Variants in LANCL1 observed in about 807,000 individuals in gnomAD.
LANCL1 encodes the protein LanC like glutathione S-transferase 1.
Under a neutral mutation model 50.6 loss-of-function variants are expected in LANCL1, and 50 were observed. That is an observed-to-expected ratio of 0.99 (90% CI 0.79 to 1.25). LANCL1 has a LOEUF of 1.25. Among genes scored for constraint, LANCL1 ranks in the 50% most tolerant of loss-of-function variants. The pLI is 0.00. For synonymous variants in LANCL1, 188 were observed against 178.6 expected (o/e 1.05, Z -0.42); for missense variants, 532 against 480.7 (o/e 1.11, Z -1.00).
chr2:210,476,689 G>T lies in LANCL1; in HGVS notation c.-86C>A. On this transcript the variant is annotated 5_prime_UTR_variant, in exon 1 of 10. Transcript: ENST00000450366. ...GACTTGAAGCAAGTGCGCCTCCCGC[G>T]TCCTGAAGCCCTTCTCGGCCCTGGC... 1 of 1,200,614 alleles carries T rather than the reference G, an allele frequency of 8.3e-7. No homozygotes were observed. The highest frequency in any genetic ancestry group is 1.0e-6 in the Non-Finnish European group (1 of 963,236). 74.4% of individuals were successfully genotyped at this position (1,200,614 alleles called of 1,614,324 possible).
rs529724266 is a variant in LANCL1, at chr2:210,441,301, G to A, written c.543+7C>T. 3.1e-6 allele frequency: 5 copies of A among 1,607,770 alleles called. No homozygotes were observed. The highest frequency in any genetic ancestry group is 1.7e-5 in the Admixed American group (1 of 58,624). On this transcript the variant is annotated splice_region_variant and intron_variant, in intron 5 of 9. Coordinates refer to ENST00000450366, the MANE Select transcript of LANCL1 (RefSeq NM_006055.3). ...AAAAGGCTCCTAAAAACACAAAAAC[G>A]TGGTACCTGCTGAATATGGCTTTGA...
intron 2 of LANCL1, among the ~76,000 whole-genome samples, chr2:210,473,414 C>G (rs923945815): frequency 1.3e-5 from 2 of 152,150 alleles, no homozygotes; most frequent in Admixed American, 1.3e-4. Flanking sequence ...CCAAAAAACT[C>G]ACTTTATTGT....
At chr2:210,435,023 C>G (rs1454611547) in intron 9 of LANCL1, among the ~76,000 whole-genome samples, 2 of 152,076 alleles carry the variant, frequency 1.3e-5, no homozygotes, top group Non-Finnish European at 2.9e-5. Context: ...AAGAATGGAG[C>G]CAGACAAGTT....
At chr2:210,441,067 T>C (rs77854394) in intron 5 of LANCL1, among the ~76,000 whole-genome samples, 1 of 152,144 alleles carries the variant, frequency 6.6e-6, no homozygotes, top group Admixed American at 6.5e-5. Flanking sequence ...TAATCCTCTT[T>C]GGAGAGGGCC....
intron 3 of LANCL1, among the ~76,000 whole-genome samples, chr2:210,459,418 T>C (rs1353302646): frequency 4.6e-5 from 7 of 152,158 alleles, no homozygotes; most frequent in African/African-American, 1.7e-4. Context: ...ACCTGCCTGG[T>C]TCATCTAGAA....
intron 3 of LANCL1, among the ~76,000 whole-genome samples, chr2:210,467,637 TTAG>T (rs1347081803): frequency 1.3e-5 from 2 of 152,220 alleles, no homozygotes; most frequent in Non-Finnish European, 2.9e-5. Flanking sequence ...CAGCAAGCTA[TTAG>T]TAGTTAAGTT....
chr2:210,475,422 C>G (rs1694328823), intron 2 of LANCL1, among the ~76,000 whole-genome samples: 1 of 152,146 alleles, frequency 6.6e-6, no homozygotes, highest in Non-Finnish European at 1.5e-5. Flanking sequence ...CCTCGAATCT[C>G]CTAGGCTCCA....
At chr2:210,472,145 A>T in intron 2 of LANCL1, 69 bp from the exon 3 acceptor site, 1 of 994,556 alleles carries the variant, frequency 1.0e-6, no homozygotes, top group South Asian at 1.3e-5. Context: ...ATAAGCTATC[A>T]AAGACAGAAA....
intron 3 of LANCL1, among the ~76,000 whole-genome samples, chr2:210,458,110 A>G (rs1273374137): frequency 6.6e-6 from 1 of 152,170 alleles, no homozygotes; most frequent in Non-Finnish European, 1.5e-5. Context: ...TCGTCTAAGG[A>G]CCATGAGTTG....
At chr2:210,471,809 G>A (rs1332226300) in intron 3 of LANCL1, 150 bp downstream of exon 3, 3 of 742,428 alleles carry the variant, frequency 4.0e-6, no homozygotes, top group Middle Eastern at 6.1e-4. Context: ...GGTTGGTTGG[G>A]TTGAGGGCAC....
chr2:210,456,715 CCCT>C (rs1341990358), intron 3 of LANCL1, among the ~76,000 whole-genome samples: 1 of 152,170 alleles, frequency 6.6e-6, no homozygotes, highest in East Asian at 1.9e-4. Context: ...TTTCATTTTG[CCCT>C]CCTATTCCCA....
At chr2:210,450,972 T>C (rs1202916414) in intron 4 of LANCL1, among the ~76,000 whole-genome samples, 1 of 152,186 alleles carries the variant, frequency 6.6e-6, no homozygotes, top group East Asian at 1.9e-4. Flanking sequence ...AGCAATTCCA[T>C]TACTGGGTAT....
chr2:210,476,470 G>T, intron 1 of LANCL1, 58 bp from the exon 2 acceptor site: 1 of 1,375,484 alleles, frequency 7.3e-7, no homozygotes, highest in South Asian at 1.3e-5. Context: ...GCCGAGTTGC[G>T]AGGGCGGCGG....
intron 4 of LANCL1, among the ~76,000 whole-genome samples, chr2:210,449,183 CA>C (rs938561062): frequency 8.5e-5 from 13 of 152,182 alleles, no homozygotes; most frequent in African/African-American, 3.1e-4. Flanking sequence ...CCCTGGGATG[CA>C]AGGCTGGTTC....
At chr2:210,467,807 A>G (rs1694114874) in intron 3 of LANCL1, among the ~76,000 whole-genome samples, 1 of 152,214 alleles carries the variant, frequency 6.6e-6, no homozygotes, top group Non-Finnish European at 1.5e-5. Context: ...AGATCAACTG[A>G]GCAACTAAGA....
chr2:210,462,979 T>G (rs1693912946), intron 3 of LANCL1, among the ~76,000 whole-genome samples: 1 of 152,180 alleles, frequency 6.6e-6, no homozygotes. Flanking sequence ...ATAAACCTTC[T>G]TCACTTATAA....
intron 3 of LANCL1, among the ~76,000 whole-genome samples, chr2:210,470,103 C>T (rs1694180930): frequency 6.6e-6 from 1 of 152,088 alleles, no homozygotes; most frequent in South Asian, 2.1e-4. Context: ...GTGCGCTGTG[C>T]TTGTCCTGTT....
At chr2:210,457,318 G>T (rs1253525666) in intron 3 of LANCL1, among the ~76,000 whole-genome samples, 1 of 152,106 alleles carries the variant, frequency 6.6e-6, no homozygotes, top group African/African-American at 2.4e-5. Context: ...TTATATAATA[G>T]AAAATAATAG....
chr2:210,471,937 G>T, intron 3 of LANCL1, 22 bp downstream of exon 3: 3 of 1,510,076 alleles, frequency 2.0e-6, no homozygotes, highest in Non-Finnish European at 2.8e-6. Flanking sequence ...GCTTATGCCA[G>T]CTCACAGTCA....
Sources: gnomAD v4.1 joint callset for allele counts (sites outside exome capture counted in the v4.1 genomes callset) on GRCh38, gnomAD v4.1.1 for gene constraint, MANE v1.5 for transcripts, NCBI Gene and HGNC (gene_info 2026-07-23, HGNC 2026-07-21) for gene names.